HMCN1: variants seen among roughly 807,000 people sequenced by gnomAD.
HMCN1 encodes the protein hemicentin 1.
A neutral mutation model predicts 625.9 loss-of-function variants in HMCN1; 321 were observed. The observed-to-expected ratio is 0.51, with a 90% CI of 0.47 to 0.56. The LOEUF is 0.56. Ranked by LOEUF, HMCN1 falls within the 20% of genes least tolerant of loss-of-function variation. The probability of loss-of-function intolerance (pLI) is 0.00; values close to 1 mark genes in which losing one functional copy is unlikely to be tolerated. For synonymous variants in HMCN1, 2,425 were observed against 2,417.6 expected, an observed-to-expected ratio of 1.00 and a Z score of -0.09; for missense variants, 6,588 against 6,887.3, an observed-to-expected ratio of 0.96 and a Z score of 1.54.
intron 97 of HMCN1, among the ~76,000 whole-genome samples, chr1:186,158,203 A>AT: frequency 6.7e-6 from 1 of 150,062 alleles, no homozygotes; most frequent in Non-Finnish European, 1.5e-5. Context: ...GATGATGAGC[A>AT]TTTTTTCATG....
At chr1:185,803,229 CAAG>C (rs200332028) in intron 1 of HMCN1, among the ~76,000 whole-genome samples, 2,486 of 62,166 alleles carry the variant, frequency 0.04, 80 homozygotes, top group African/African-American at 0.11. Context: ...AAAAACAAAA[CAAG>C]GAGGAAATTG....
intron 32 of HMCN1, 35 bp from the exon 33 acceptor site, chr1:186,016,928 A>C (rs931637501): frequency 8.6e-7 from 1 of 1,164,338 alleles, no homozygotes; most frequent in Non-Finnish European, 1.3e-6. Flanking sequence ...TGTTGTATAC[A>C]TTTCTTTGCA....
chr1:185,942,996 C>T (rs1224192633), intron 11 of HMCN1, among the ~76,000 whole-genome samples: 2 of 151,774 alleles, frequency 1.3e-5, no homozygotes, highest in Non-Finnish European at 2.9e-5. Context: ...CCACTCAATA[C>T]AACATTTCTG....
chr1:185,987,161 CCT>C (rs1334829324), intron 19 of HMCN1, among the ~76,000 whole-genome samples: 7 of 151,138 alleles, frequency 4.6e-5, no homozygotes, highest in Non-Finnish European at 7.4e-5. Flanking sequence ...TTTCTTCAGT[CCT>C]CTCTTATTTT....
intron 20 of HMCN1, among the ~76,000 whole-genome samples, chr1:185,988,048 G>A (rs145389551): frequency 1.1e-4 from 16 of 152,272 alleles, no homozygotes; most frequent in South Asian, 4.1e-4. Context: ...TGCTACGGAC[G>A]TGTTCACTGT....
chr1:185,877,182 T>A (rs986440428), intron 4 of HMCN1, among the ~76,000 whole-genome samples: 38 of 152,082 alleles, frequency 2.5e-4, no homozygotes, highest in African/African-American at 8.4e-4. Flanking sequence ...TTAATAACAG[T>A]CCTGGAAAGA....
chr1:186,103,758 C>G (rs552168523), intron 69 of HMCN1, 90 bp downstream of exon 69: 1 of 1,057,338 alleles, frequency 9.5e-7, no homozygotes, highest in Non-Finnish European at 1.4e-6. Flanking sequence ...GTCTTTGAAT[C>G]CTTATATATC....
chr1:186,031,806 C>T (rs1655457151), intron 36 of HMCN1, among the ~76,000 whole-genome samples: 1 of 151,940 alleles, frequency 6.6e-6, no homozygotes, highest in Non-Finnish European at 1.5e-5. Context: ...GTTTTTATTA[C>T]ACTTTAGAAT....
intron 36 of HMCN1, among the ~76,000 whole-genome samples, chr1:186,033,414 C>T (rs1219877325): frequency 6.6e-6 from 1 of 152,056 alleles, no homozygotes; most frequent in Non-Finnish European, 1.5e-5. Flanking sequence ...GTAACCAAAA[C>T]CACCTGTATC....
intron 93 of HMCN1, 114 bp downstream of exon 93, chr1:186,146,037 A>G: frequency 9.0e-7 from 1 of 1,109,498 alleles, no homozygotes; most frequent in East Asian, 2.6e-5. Flanking sequence ...TAGAAAAAAA[A>G]AAAAAAGTGC....
intron 6 of HMCN1, among the ~76,000 whole-genome samples, chr1:185,917,326 A>T (rs1666765177): frequency 6.6e-6 from 1 of 152,182 alleles, no homozygotes; most frequent in African/African-American, 2.4e-5. Context: ...CTACCTAGAA[A>T]TTATGTTATT....
chr1:185,912,442 A>G (rs10465496), intron 6 of HMCN1, among the ~76,000 whole-genome samples: 17,746 of 152,186 alleles, frequency 0.12, 3,492 homozygotes, highest in African/African-American at 0.4. Context: ...CTAAGAAAGC[A>G]TTGTATTTTG....
At chr1:185,862,667 T>C (rs998413799) in intron 2 of HMCN1, among the ~76,000 whole-genome samples, 1 of 152,158 alleles carries the variant, frequency 6.6e-6, no homozygotes, top group Non-Finnish European at 1.5e-5. Flanking sequence ...AGCGGTGTTA[T>C]TTGTTAAACT....
At chr1:186,167,064 A>T (rs564768372) in intron 100 of HMCN1, 122 bp downstream of exon 100, 2 of 1,233,024 alleles carry the variant, frequency 1.6e-6, no homozygotes. Flanking sequence ...AAAGGGAGAG[A>T]ATGAGGAGAT....
rs199792862 is a variant in HMCN1, at chr1:186,039,844, G to A, written c.6145G>A (p.Gly2049Arg). ...PAPSLTWLKD[G>R]SPVSSFSNGL... ...CCCAAGTCTGACCTGGTTGAAAGAT[G>A]GGAGTCCTGTTTCTAGTTTTTCTAA... The change falls in exon 39 of 107, where the codon GGG becomes AGG. Residue 2049 changes from glycine to arginine, a missense_variant. Around this residue, in one of 3 missense-constraint regions of HMCN1, gnomAD observed 4,628 missense variants for 4,853.1 expected, o/e 0.95. Coordinates refer to ENST00000271588, the MANE Select transcript of HMCN1 (RefSeq NM_031935.3). The A allele has an allele frequency of 1.2e-6, 2 of 1,613,258 alleles. No homozygotes were observed. Among genetic ancestry groups the A allele is most frequent in the Non-Finnish European group, 8.5e-7 (1 of 1,179,588 alleles).
chr1:186,093,557 A>G lies in HMCN1; in HGVS notation c.10084A>G (p.Ile3362Val). The G allele has an allele frequency of 4.3e-6, 7 of 1,613,508 alleles. No homozygotes were observed. Among genetic ancestry groups the G allele is most frequent in the Non-Finnish European group, 5.1e-6 (6 of 1,179,662 alleles). Residue 3362 changes from isoleucine (I) to valine (V), a missense_variant, in exon 66 of 107, where the codon ATT becomes GTT. Ile to Val is a conservative substitution (Grantham distance 29). Transcript: ENST00000271588. ...LMTLVDTSIN[I>V]ECRATGTPPP... Reference sequence around the variant, plus strand: ...GACTTTAGTGGATACTTCAATAAATATTGAATGCAGAGCCACAGGGACGCC... The same window carrying G: ...GACTTTAGTGGATACTTCAATAAATGTTGAATGCAGAGCCACAGGGACGCC...
intron 9 of HMCN1, among the ~76,000 whole-genome samples, chr1:185,928,038 G>A (rs1667363700): frequency 6.6e-6 from 1 of 152,088 alleles, no homozygotes; most frequent in South Asian, 2.1e-4. Context: ...TTCTCATTGT[G>A]TATGTAGGTT....
chr1:186,050,341 G>T (rs78172168), intron 42 of HMCN1, among the ~76,000 whole-genome samples: 2 of 151,844 alleles, frequency 1.3e-5, no homozygotes, highest in Non-Finnish European at 2.9e-5. Flanking sequence ...AAAACATAAG[G>T]TTGCAATGAA....
chr1:186,086,864 ATAGAT>A (rs1380010327), intron 58 of HMCN1, among the ~76,000 whole-genome samples: 1 of 147,666 alleles, frequency 6.8e-6, no homozygotes, highest in Non-Finnish European at 1.5e-5. Context: ...AGATAGATAG[ATAGAT>A]TAGACACCTC....
Sources: gnomAD v4.1 joint callset for allele counts (sites outside exome capture counted in the v4.1 genomes callset) on GRCh38, gnomAD v4.1.1 for gene constraint, gnomAD v4.1.1 regional missense constraint, MANE v1.5 for transcripts, NCBI Gene and HGNC (gene_info 2026-07-23, HGNC 2026-07-21) for gene names.